STX12: variants seen among roughly 807,000 people sequenced by gnomAD.
The protein encoded by STX12 is syntaxin-12.
Under a neutral mutation model 42.2 loss-of-function variants are expected in STX12, and 17 were observed. The ratio of observed to expected loss-of-function variants is 0.40; its 90% confidence interval spans 0.28 to 0.60. STX12 has a LOEUF of 0.60. Among genes scored for constraint, STX12 ranks in the 20% least tolerant of loss-of-function variants. The pLI is 0.39. For missense variants in STX12, 297 were observed against 330.9 expected, an observed-to-expected ratio of 0.90 and a Z score of 0.79; for synonymous variants, 108 against 116.7, an observed-to-expected ratio of 0.93 and a Z score of 0.48.
chr1:27,802,604 G>A (rs533290624), intron 4 of STX12, among the ~76,000 whole-genome samples: 3 of 152,342 alleles, frequency 2.0e-5, no homozygotes, highest in Admixed American at 1.3e-4. Context: ...GAATGGTTCA[G>A]TGGTCCTGGA....
chr1:27,785,550 C>A (rs2088693632), intron 1 of STX12, among the ~76,000 whole-genome samples: 1 of 152,098 alleles, frequency 6.6e-6, no homozygotes, highest in Admixed American at 6.6e-5. Flanking sequence ...AAAATAAAAA[C>A]CTTACACAAA....
At chr1:27,790,185 G>C (rs1405169240) in intron 2 of STX12, among the ~76,000 whole-genome samples, 1 of 152,214 alleles carries the variant, frequency 6.6e-6, no homozygotes, top group Non-Finnish European at 1.5e-5. Context: ...TCTGGAGTTA[G>C]TTCCTTCTGG....
At chr1:27,792,194 G>A (rs1277988778) in intron 2 of STX12, among the ~76,000 whole-genome samples, 35 of 94,996 alleles carry the variant, frequency 3.7e-4, no homozygotes, top group African/African-American at 1.5e-3. Context: ...ATCTATATAT[G>A]TATATACATA....
intron 8 of STX12, chr1:27,820,062 TAGA>T (rs1479886163): frequency 3.9e-5 from 7 of 179,154 alleles, no homozygotes; most frequent in Admixed American, 1.2e-4. Context: ...ACAGTTAAAG[TAGA>T]AGACTTCATA....
At chr1:27,786,908 G>A (rs1405148301) in intron 1 of STX12, among the ~76,000 whole-genome samples, 2 of 152,130 alleles carry the variant, frequency 1.3e-5, no homozygotes, top group Non-Finnish European at 2.9e-5. Context: ...AGATAAGAAG[G>A]ACATACCACA....
intron 3 of STX12, 98 bp downstream of exon 3, chr1:27,793,730 T>C (rs1354554948): frequency 2.2e-5 from 19 of 854,834 alleles, no homozygotes; most frequent in Non-Finnish European, 3.3e-5. Flanking sequence ...CCTTTGGTGC[T>C]AGATAGATAG....
At chr1:27,774,554 T>C (rs556284217) in intron 1 of STX12, among the ~76,000 whole-genome samples, 1 of 152,322 alleles carries the variant, frequency 6.6e-6, no homozygotes, top group East Asian at 1.9e-4. Flanking sequence ...AGATGAAGTC[T>C]TGCTATGTTG....
chr1:27,805,045 A>G (rs1166972820), intron 4 of STX12, among the ~76,000 whole-genome samples: 1 of 152,072 alleles, frequency 6.6e-6, no homozygotes, highest in Non-Finnish European at 1.5e-5. Flanking sequence ...ATGTTGTGAG[A>G]ACTCAGTCAC....
intron 3 of STX12, among the ~76,000 whole-genome samples, chr1:27,795,311 T>A (rs1227570612): frequency 6.6e-6 from 1 of 151,974 alleles, no homozygotes; most frequent in Non-Finnish European, 1.5e-5. Context: ...AAATTCTTTT[T>A]TTTTTTTAAT....
chr1:27,819,091 C>A (rs926564473), intron 7 of STX12, among the ~76,000 whole-genome samples: 1 of 151,704 alleles, frequency 6.6e-6, no homozygotes, highest in African/African-American at 2.4e-5. Flanking sequence ...GCCTAGGCAA[C>A]ATAGTAAGAC....
At chr1:27,805,578 T>C (rs1480303117) in intron 4 of STX12, among the ~76,000 whole-genome samples, 2 of 152,246 alleles carry the variant, frequency 1.3e-5, no homozygotes, top group African/African-American at 4.8e-5. Context: ...TGAATTTGAC[T>C]ATTTACTTAC....
At chr1:27,812,478 G>C (rs888135436) in intron 6 of STX12, among the ~76,000 whole-genome samples, 5 of 149,962 alleles carry the variant, frequency 3.3e-5, no homozygotes, top group Non-Finnish European at 7.4e-5. Flanking sequence ...TTTCGCTCTT[G>C]TTGCCCAGGC....
At chr1:27,816,315 G>GA (rs555532797) in intron 6 of STX12, among the ~76,000 whole-genome samples, 13 of 147,336 alleles carry the variant, frequency 8.8e-5, no homozygotes, top group East Asian at 2.0e-4. Context: ...CTCTACCTCA[G>GA]AAAAAAAAAA....
At chr1:27,780,743 G>T (rs974385274) in intron 1 of STX12, among the ~76,000 whole-genome samples, 1 of 152,048 alleles carries the variant, frequency 6.6e-6, no homozygotes, top group Admixed American at 6.6e-5. Context: ...CTTGAGCTCA[G>T]AAATTTGAGA....
chr1:27,788,986 G>C (rs1161314051), intron 1 of STX12, among the ~76,000 whole-genome samples: 1 of 151,956 alleles, frequency 6.6e-6, no homozygotes, highest in African/African-American at 2.4e-5. Flanking sequence ...ACTCCAGCCT[G>C]GGTGACAGAG....
intron 4 of STX12, chr1:27,809,862 T>C (rs2088891456): frequency 6.2e-6 from 1 of 162,270 alleles, no homozygotes; most frequent in South Asian, 1.8e-4. Context: ...GTGAATCTGC[T>C]TTAGTGCCTA....
chr1:27,814,528 AAAT>A lies in STX12; in HGVS notation c.576+2273_576+2275del, dbSNP rs923093664. Among the ~76,000 whole-genome samples the A allele has an allele frequency of 9.3e-4, 139 of 150,112 alleles. 1 individual carries two copies. The highest frequency in any genetic ancestry group is 6.8e-3 in the Middle Eastern group (2 of 294). On this transcript the variant is annotated intron_variant, in intron 6 of 8. Transcript: ENST00000373943. The stretch of plus-strand genomic sequence containing the variant: ...GGGCAACAGAGCAAGACTCTGTCTC[AAAT>A]AATAATAATAATCCTTCCTTCAAAG...
At chr1:27,816,236 C>T (rs986938491) in intron 6 of STX12, among the ~76,000 whole-genome samples, 6 of 151,830 alleles carry the variant, frequency 4.0e-5, no homozygotes, top group Admixed American at 1.3e-4. Flanking sequence ...ATTGCTTGAA[C>T]CCAGGAGGCG....
At chr1:27,778,942 A>T (rs2088645590) in intron 1 of STX12, among the ~76,000 whole-genome samples, 1 of 152,164 alleles carries the variant, frequency 6.6e-6, no homozygotes, top group African/African-American at 2.4e-5. Context: ...AAAGTTTTTT[A>T]GAGACGGGGG....
Sources: gnomAD v4.1 joint callset for allele counts (sites outside exome capture counted in the v4.1 genomes callset) on GRCh38, gnomAD v4.1.1 for gene constraint, MANE v1.5 for transcripts, NCBI Gene and HGNC (gene_info 2026-07-23, HGNC 2026-07-21) for gene names.